The following SFI1 variants were observed in gnomAD, a reference collection of about 807,000 sequenced individuals.
SFI1 encodes the protein SFI1 centrin binding protein.
In SFI1, 195 loss-of-function variants were observed where a neutral mutation model predicts 207.5. That is an observed-to-expected ratio of 0.94 (90% CI 0.84 to 1.06). The LOEUF (loss-of-function observed/expected upper bound fraction) is 1.06. Ranked by LOEUF, SFI1 falls within the 50% of genes least tolerant of loss-of-function variation. SFI1 has a pLI of 0.00. For missense variants in SFI1, 1,634 were observed against 1,588.0 expected (o/e 1.03, Z -0.49); for synonymous variants, 630 against 598.9 (o/e 1.05, Z -0.76).
intron 4 of SFI1, among the ~76,000 whole-genome samples, chr22:31,531,660 A>G (rs2058539943): frequency 6.6e-6 from 1 of 151,704 alleles, no homozygotes; most frequent in Non-Finnish European, 1.5e-5. Context: ...TTGGGAGGCC[A>G]AGGTGGGCGG....
At chr22:31,618,060 A>C in intron 31 of SFI1, 55 bp from the exon 32 acceptor site, 1 of 1,523,644 alleles carries the variant, frequency 6.6e-7, no homozygotes, top group Non-Finnish European at 8.8e-7. Flanking sequence ...CCTGAGCCGG[A>C]TGGGGCTCTG....
At chr22:31,585,232 T>A in intron 14 of SFI1, 98 bp downstream of exon 14, 1 of 1,033,984 alleles carries the variant, frequency 9.7e-7, no homozygotes, top group Non-Finnish European at 1.5e-6. Context: ...CAAGAAGTCT[T>A]ATCGTTCTGC....
chr22:31,570,396 T>G (rs1336961809), intron 8 of SFI1, among the ~76,000 whole-genome samples: 1 of 152,342 alleles, frequency 6.6e-6, no homozygotes, highest in East Asian at 1.9e-4. Flanking sequence ...TAGGAAAGAC[T>G]GCAGGAGAAG....
intron 6 of SFI1, chr22:31,550,650 C>T (rs1330425194): frequency 1.4e-5 from 4 of 294,406 alleles, no homozygotes; most frequent in Non-Finnish European, 2.6e-5. Context: ...CCTGTGGCAC[C>T]TGGGGCTGCC....
chr22:31,580,207 ACT>A, intron 11 of SFI1, 63 bp from the exon 12 acceptor site: 1 of 1,306,180 alleles, frequency 7.7e-7, no homozygotes, highest in Non-Finnish European at 1.1e-6. Flanking sequence ...GCCTTCCTCT[ACT>A]CTTAGTTTAC....
chr22:31,528,075 T>G (rs774534129), intron 2 of SFI1, among the ~76,000 whole-genome samples: 2 of 151,984 alleles, frequency 1.3e-5, no homozygotes, highest in African/African-American at 2.4e-5. Flanking sequence ...ATCGCGCCAC[T>G]GCACTCCAGC....
intron 24 of SFI1, 94 bp from the exon 25 acceptor site, chr22:31,613,048 G>A (rs1453424620): frequency 1.4e-5 from 19 of 1,374,292 alleles, no homozygotes; most frequent in Non-Finnish European, 1.7e-5. Context: ...CGACTAGAGA[G>A]GGAGCCAAGA....
intron 4 of SFI1, among the ~76,000 whole-genome samples, chr22:31,539,999 G>A (rs2059329780): frequency 6.6e-6 from 1 of 151,996 alleles, no homozygotes; most frequent in Non-Finnish European, 1.5e-5. Context: ...TTACAGGTGT[G>A]AGCCACCACA....
Position 31,538,445 on chromosome 22 carries a change from C to G in SFI1, c.338+7316C>G, listed in dbSNP as rs1457665108. The G allele has an allele frequency of 2.0e-5, 3 of 152,716 alleles. No individual in the cohort carries two copies. In the Admixed American group the frequency reaches 2.0e-4, roughly 10 times the overall value. 9.5% of individuals were successfully genotyped at this position (152,716 alleles called of 1,614,324 possible). A position where few individuals can be genotyped will look rare whatever the true frequency, so the allele number is the denominator to read the frequency against. ...CTAGCAGCCTTCATGAGATTGATTTCTAACTACTTTGCTGTGAATGGCACA... is the reference window on the plus strand; with the variant it reads ...CTAGCAGCCTTCATGAGATTGATTTGTAACTACTTTGCTGTGAATGGCACA... On this transcript the variant is annotated intron_variant, in intron 4 of 32. Transcript: ENST00000400288.
chr22:31,519,874 GT>G (rs1420302069), intron 2 of SFI1, among the ~76,000 whole-genome samples: 2 of 151,794 alleles, frequency 1.3e-5, no homozygotes, highest in African/African-American at 2.4e-5. Context: ...CTGGCCAAAA[GT>G]TTTTTTATTT....
rs910178434 is a variant in SFI1 at position 31,578,511 on chromosome 22, T to C, written c.1155+59T>C. 23 of 1,530,882 alleles carry C rather than the reference T, an allele frequency of 1.5e-5. No individual in the cohort carries two copies. The Middle Eastern group carries it at 5.1e-4, about 34-fold the overall frequency. 94.8% of individuals were successfully genotyped at this position (1,530,882 alleles called of 1,614,324 possible). A position where few individuals can be genotyped will look rare whatever the true frequency, so the allele number is the denominator to read the frequency against. On this transcript the variant is annotated intron_variant, in intron 11 of 32. Transcript: ENST00000400288. ...GGCAGCCTTGCTTGGGTATCCACTC[T>C]TGGGGGACCCTGACCCCTATCACCT...
intron 4 of SFI1, among the ~76,000 whole-genome samples, chr22:31,543,250 G>A (rs1430106468): frequency 1.3e-5 from 2 of 152,214 alleles, no homozygotes; most frequent in East Asian, 1.9e-4. Flanking sequence ...GATTACAGGC[G>A]TGACCTAATT....
At chr22:31,508,490 G>T in intron 2 of SFI1, 114 bp downstream of exon 2, 1 of 681,920 alleles carries the variant, frequency 1.5e-6, no homozygotes, top group East Asian at 2.8e-5. Flanking sequence ...CTGTGGGTAA[G>T]TTTTTTTTGT....
intron 12 of SFI1, among the ~76,000 whole-genome samples, chr22:31,580,612 A>G (rs2064032089): frequency 7.2e-6 from 1 of 138,684 alleles, no homozygotes; most frequent in African/African-American, 2.7e-5. Context: ...GCACGATCTC[A>G]GCTCACTGCA....
chr22:31,596,176 C>G lies in SFI1; in HGVS notation c.1545-6036C>G, dbSNP rs538117539. ...GCTGAGGCACAAGAATCACTTTAACCCAGGAGGCAGAGGCTACAGTGAGTT... is the reference window on the plus strand; with the variant it reads ...GCTGAGGCACAAGAATCACTTTAACGCAGGAGGCAGAGGCTACAGTGAGTT... On this transcript the variant is annotated intron_variant, in intron 15 of 32. Coordinates refer to ENST00000400288, the MANE Select transcript of SFI1 (RefSeq NM_001007467.3). 3.1e-3 allele frequency among the ~76,000 whole-genome samples: 479 copies of G among 152,234 alleles called. 1 individual carries two copies. The highest frequency in any genetic ancestry group is 0.01 in the African/African-American group (434 of 41,548).
intron 12 of SFI1, among the ~76,000 whole-genome samples, chr22:31,581,622 G>T (rs902996477): frequency 1.3e-5 from 2 of 151,994 alleles, no homozygotes; most frequent in African/African-American, 2.4e-5. Context: ...TGTTTCTATT[G>T]TAAGTCTATT....
intron 1 of SFI1, among the ~76,000 whole-genome samples, chr22:31,498,958 C>T (rs1019060533): frequency 6.0e-5 from 9 of 150,028 alleles, no homozygotes; most frequent in Non-Finnish European, 7.4e-5. Flanking sequence ...CCACCTGCTT[C>T]GGCCTCCCAA....
chr22:31,559,799 C>G (rs1423814112), intron 7 of SFI1: 1 of 719,002 alleles, frequency 1.4e-6, no homozygotes, highest in African/African-American at 1.7e-5. Context: ...GGACAAGAAG[C>G]TCCGTGCAGA....
At chr22:31,566,527 C>T (rs2062330858) in intron 8 of SFI1, among the ~76,000 whole-genome samples, 2 of 152,206 alleles carry the variant, frequency 1.3e-5, no homozygotes, top group South Asian at 4.1e-4. Context: ...AGTGTAGGTT[C>T]TTGAGTCAGA....
Sources: gnomAD v4.1 joint callset for allele counts (sites outside exome capture counted in the v4.1 genomes callset) on GRCh38, gnomAD v4.1.1 for gene constraint, MANE v1.5 for transcripts, NCBI Gene and HGNC (gene_info 2026-07-23, HGNC 2026-07-21) for gene names.